Variants in SH3RF3 observed in about 807,000 individuals in gnomAD.
The protein encoded by SH3RF3 is E3 ubiquitin-protein ligase SH3RF3.
In SH3RF3, 29 loss-of-function variants were observed where a neutral mutation model predicts 66.3. The observed-to-expected ratio is 0.44, with a 90% CI of 0.33 to 0.60. SH3RF3 has a LOEUF of 0.60. Ranked by LOEUF, SH3RF3 falls within the 20% of genes least tolerant of loss-of-function variation. The pLI, the probability that SH3RF3 is intolerant of heterozygous loss-of-function variation, is 0.04. For missense variants in SH3RF3, 1,194 were observed against 1,190.9 expected, an observed-to-expected ratio of 1.00 and a Z score of -0.04; for synonymous variants, 583 against 532.0, an observed-to-expected ratio of 1.10 and a Z score of -1.32.
chr2:109,158,399 A>G (rs1248152036), intron 1 of SH3RF3, among the ~76,000 whole-genome samples: 2 of 152,182 alleles, frequency 1.3e-5, no homozygotes, highest in African/African-American at 4.8e-5. Flanking sequence ...AGGAGTCTGC[A>G]TGGCTTGCCT....
At chr2:109,353,801 G>A (rs986207174) in intron 2 of SH3RF3, among the ~76,000 whole-genome samples, 8 of 152,206 alleles carry the variant, frequency 5.3e-5, no homozygotes, top group African/African-American at 1.2e-4. Flanking sequence ...GCGTGTGTCC[G>A]TGTGCAGTGG....
intron 1 of SH3RF3, among the ~76,000 whole-genome samples, chr2:109,297,620 C>T (rs1681348185): frequency 6.6e-6 from 1 of 150,942 alleles, no homozygotes; most frequent in South Asian, 2.1e-4. Flanking sequence ...TCAGTACCCT[C>T]TACCCAGGCC....
At chr2:109,454,207 C>G (rs1159467849) in intron 8 of SH3RF3, among the ~76,000 whole-genome samples, 3 of 152,170 alleles carry the variant, frequency 2.0e-5, no homozygotes, top group African/African-American at 7.2e-5. Flanking sequence ...ACAACAATTA[C>G]AATCCTCATT....
rs533179741 is a variant in SH3RF3 at position 109,333,428 on chromosome 2, A to G, written c.574-14246A>G. On this transcript the variant is annotated intron_variant, in intron 1 of 9. Coordinates refer to ENST00000309415, the MANE Select transcript of SH3RF3 (RefSeq NM_001099289.3). The stretch of plus-strand genomic sequence containing the variant: ...TGCTTTTAAAAACACAAAATAAAAC[A>G]AGCCTAACCTTAGTCAGTCATCCTG... Among the ~76,000 whole-genome samples, 33 of 152,352 alleles carry G rather than the reference A, an allele frequency of 2.2e-4. 1 individual carries two copies. In the East Asian group the frequency reaches 6.4e-3, roughly 29 times the overall value.
At position 109,397,414 on chromosome 2, in the gene SH3RF3, C is replaced by T. The variant is rs77321089; in HGVS notation, c.946-1176C>T. On this transcript the variant is annotated intron_variant, in intron 3 of 9. Transcript: ENST00000309415. Reference sequence around the variant, plus strand: ...AATCATCCCATGATGATTCTAGTATCATAGTTTCTTCCCAGCCACCTCTGT... The same window carrying T: ...AATCATCCCATGATGATTCTAGTATTATAGTTTCTTCCCAGCCACCTCTGT... Among the ~76,000 whole-genome samples the T allele has an allele frequency of 7.3e-3, 1,105 of 152,286 alleles. 13 individuals carry two copies. Among genetic ancestry groups the T allele is most frequent in the East Asian group, 0.051 (266 of 5,168 alleles).
At chr2:109,486,059 G>A (rs1373813549) in intron 8 of SH3RF3, among the ~76,000 whole-genome samples, 1 of 152,250 alleles carries the variant, frequency 6.6e-6, no homozygotes, top group African/African-American at 2.4e-5. Flanking sequence ...CAACCCATGT[G>A]TGTCCCTGGC....
intron 1 of SH3RF3, among the ~76,000 whole-genome samples, chr2:109,257,354 G>A (rs1368381172): frequency 2.6e-5 from 4 of 150,996 alleles, no homozygotes; most frequent in Non-Finnish European, 5.9e-5. Context: ...ATTGAGGAGG[G>A]AATGAAAGAA....
rs1193124231 is a variant in SH3RF3 at position 109,129,979 on chromosome 2, C to T, written c.439C>T (p.Pro147Ser). 7.6e-7 allele frequency: 1 copy of T among 1,307,476 alleles called. No individual in the cohort carries two copies. The highest frequency in any genetic ancestry group is 9.7e-7 in the Non-Finnish European group (1 of 1,033,324). 81.0% of individuals were successfully genotyped at this position (1,307,476 alleles called of 1,614,324 possible). Residue 147 changes from proline (P) to serine (S), a missense_variant, in exon 1 of 10, where the codon CCC (proline) becomes TCC (serine). Transcript: ENST00000309415. ...TCCCATCCCAGGCCAGAGTGCGGCC[C>T]CCACGCTCGCGGGCGGCGGGGGCGG... is the stretch of plus-strand genomic sequence containing the variant. Reference protein sequence around the residue: ...ARPIPGQSAAPTLAGGGGGAA... With the variant: ...ARPIPGQSAASTLAGGGGGAA...
Position 109,449,346 on chromosome 2 carries a change from A to C in SH3RF3, c.2005A>C (p.Thr669Pro). 1.9e-6 allele frequency: 3 copies of C among 1,606,570 alleles called. No homozygotes were observed. Among genetic ancestry groups the C allele is most frequent in the Non-Finnish European group, 1.7e-6 (2 of 1,175,862 alleles). ...GTGCCCACGGCCGGCCATCCCCCTC[A>C]CATCAGCAGCATCAGCCATCACACC... Reference protein sequence around the residue: ...QMCPRPAIPLTSAASAITPPN... With the variant: ...QMCPRPAIPLPSAASAITPPN... Residue 669 changes from threonine (T) to proline (P), a missense_variant, in exon 8 of 10, where the codon ACA becomes CCA. Transcript: ENST00000309415.
chr2:109,478,125 G>A (rs774356831), intron 8 of SH3RF3, among the ~76,000 whole-genome samples: 10 of 152,262 alleles, frequency 6.6e-5, no homozygotes, highest in Non-Finnish European at 1.2e-4. Flanking sequence ...TGCAGCCGGA[G>A]AGGAGCTGCC....
chr2:109,474,989 GTTT>G (rs1213799340), intron 8 of SH3RF3, among the ~76,000 whole-genome samples: 1 of 151,174 alleles, frequency 6.6e-6, no homozygotes, highest in Non-Finnish European at 1.5e-5. Flanking sequence ...TTGTTTGTTT[GTTT>G]TTTTGAGACG....
chr2:109,449,272 C>T lies in SH3RF3; in HGVS notation c.1931C>T (p.Pro644Leu). Residue 644 changes from proline (P) to leucine (L), a missense_variant, in exon 8 of 10, where the codon CCC (proline) becomes CTC (leucine). By Grantham distance (98) the Pro-to-Leu change is moderately conservative. Coordinates refer to ENST00000309415, the MANE Select transcript of SH3RF3 (RefSeq NM_001099289.3). ...CGCCTGCCTGCCACCAGCCTCAGGC[C>T]CCACTCGGTGGTGTCCCCGCAGCAC... is the stretch of plus-strand genomic sequence containing the variant. ...PSRLPATSLR[P>L]HSVVSPQHSH... The T allele has an allele frequency of 1.2e-6, 2 of 1,611,704 alleles. No homozygotes were observed. Among genetic ancestry groups the T allele is most frequent in the Non-Finnish European group, 1.7e-6 (2 of 1,178,952 alleles).
Position 109,129,959 on chromosome 2 carries a change from T to C in SH3RF3, c.419T>C (p.Ile140Thr). 7.0e-7 allele frequency: 1 copy of C among 1,429,530 alleles called. No homozygotes were observed. The highest frequency in any genetic ancestry group is 1.4e-5 in the South Asian group (1 of 69,456). 88.6% of individuals were successfully genotyped at this position (1,429,530 alleles called of 1,614,324 possible). A position where few individuals can be genotyped will look rare whatever the true frequency, so the allele number is the denominator to read the frequency against. The change falls in exon 1 of 10, where the codon ATC becomes ACC. Residue 140 changes from isoleucine (I) to threonine (T), a missense_variant. Coordinates refer to ENST00000309415, the MANE Select transcript of SH3RF3 (RefSeq NM_001099289.3). ...SPGGSPPARP[I>T]PGQSAAPTLA... is the part of the protein sequence containing the mutation. Reference sequence around the variant, plus strand: ...GGCGGCAGCCCGCCCGCGCGTCCCATCCCAGGCCAGAGTGCGGCCCCCACG... The same window carrying C: ...GGCGGCAGCCCGCCCGCGCGTCCCACCCCAGGCCAGAGTGCGGCCCCCACG...
chr2:109,335,496 G>A (rs1193570174), intron 1 of SH3RF3, among the ~76,000 whole-genome samples: 2 of 152,090 alleles, frequency 1.3e-5, no homozygotes, highest in Admixed American at 6.5e-5. Context: ...GCTCATCCAC[G>A]TGTCCCTCAG....
chr2:109,476,645 C>G (rs1336953850), intron 8 of SH3RF3, among the ~76,000 whole-genome samples: 1 of 152,164 alleles, frequency 6.6e-6, no homozygotes, highest in Non-Finnish European at 1.5e-5. Context: ...CAATCCAGAT[C>G]CCAAGAGAGG....
In SH3RF3 at chr2:109,382,769, C is replaced by A. The variant is rs762124157; in HGVS notation, c.945+11088C>A. On this transcript the variant is annotated intron_variant, in intron 3 of 9. Transcript: ENST00000309415. ...CCATCCAGGGCCCGCAGCTGATGAG[C>A]AGTTCCATGCCAGAATTTGAAGTTA... Among the ~76,000 whole-genome samples, 67 of 152,356 alleles carry A rather than the reference C, an allele frequency of 4.4e-4. No individual in the cohort carries two copies. In the South Asian group the frequency reaches 5.8e-3, roughly 13 times the overall value.
chr2:109,246,048 C>T (rs892454379), intron 1 of SH3RF3, among the ~76,000 whole-genome samples: 10 of 152,222 alleles, frequency 6.6e-5, no homozygotes. Flanking sequence ...CACCTGGATT[C>T]ATACTTCAAT....
intron 1 of SH3RF3, among the ~76,000 whole-genome samples, chr2:109,149,419 C>G (rs1677181156): frequency 6.6e-6 from 1 of 152,220 alleles, no homozygotes; most frequent in Non-Finnish European, 1.5e-5. Flanking sequence ...CATTGACAGT[C>G]ATTTGCACTT....
At chr2:109,315,957 C>T (rs17035423) in intron 1 of SH3RF3, among the ~76,000 whole-genome samples, 47,476 of 152,062 alleles carry the variant, frequency 0.31, 9,194 homozygotes, top group African/African-American at 0.55. Flanking sequence ...TTTTGAGATG[C>T]ATTAGCAGAA....
Sources: gnomAD v4.1 joint callset for allele counts (sites outside exome capture counted in the v4.1 genomes callset) on GRCh38, gnomAD v4.1.1 for gene constraint, MANE v1.5 for transcripts, NCBI Gene and HGNC (gene_info 2026-07-23, HGNC 2026-07-21) for gene names.